Variants in INTU observed in about 807,000 individuals in gnomAD.
INTU encodes protein inturned.
In INTU, 68 loss-of-function variants were observed where a neutral mutation model predicts 100.5. The ratio of observed to expected loss-of-function variants is 0.68; its 90% CI spans 0.56 to 0.83. The LOEUF (loss-of-function observed/expected upper bound fraction) is 0.83, where lower values mean the gene tolerates loss of function less well. INTU is among the 40% of genes least tolerant of loss of function. The pLI, the probability that INTU is intolerant of heterozygous loss-of-function variation, is 0.00. For missense variants in INTU, 1,071 were observed against 1,114.7 expected (o/e 0.96, Z 0.56); for synonymous variants, 357 against 395.7 (o/e 0.90, Z 1.16).
chr4:127,710,926 C>A lies in INTU; in HGVS notation c.2383C>A (p.Pro795Thr). The change falls in exon 14 of 16, where the codon CCT becomes ACT. Residue 795 changes from proline to threonine, a missense_variant. Coordinates refer to ENST00000335251, the MANE Select transcript of INTU (RefSeq NM_015693.4). ...TTTCTTTTTAAGACTGACATCTGGT[C>A]CTGAGAACACACTTTTCCACTACGT... ...IYNTVKLTSG[P>T]ENTLFHYVAL... is the part of the protein sequence containing the mutation. 6.7e-7 allele frequency: 1 copy of A among 1,486,954 alleles called. No individual in the cohort carries two copies. The highest frequency in any genetic ancestry group is 9.1e-7 in the Non-Finnish European group (1 of 1,101,298). 92.1% of individuals were successfully genotyped at this position (1,486,954 alleles called of 1,614,324 possible).
Position 127,718,554 on chromosome 4 carries a change from A to G in INTU, c.*2118A>G, listed in dbSNP as rs1301717179. On this transcript the variant is annotated 3_prime_UTR_variant, in exon 16 of 16. Transcript: ENST00000335251. Reference sequence around the variant, plus strand: ...TGGTAGTTTAATGGGAATAACATTGACTCTATAAATTACTTTGGGCAGTAT... The same window carrying G: ...TGGTAGTTTAATGGGAATAACATTGGCTCTATAAATTACTTTGGGCAGTAT... The G allele has an allele frequency of 6.6e-6, 1 of 151,708 alleles. No individual in the cohort carries two copies. The highest frequency in any genetic ancestry group is 6.6e-5 in the Admixed American group (1 of 15,240). 9.4% of individuals were successfully genotyped at this position (151,708 alleles called of 1,614,324 possible).
chr4:127,712,024 A>C (rs1731114093), intron 14 of INTU, among the ~76,000 whole-genome samples: 1 of 152,216 alleles, frequency 6.6e-6, no homozygotes. Flanking sequence ...TAAAACTTAC[A>C]GAGGTTTACT....
At chr4:127,703,961 A>G (rs940814945) in intron 9 of INTU, among the ~76,000 whole-genome samples, 5 of 152,230 alleles carry the variant, frequency 3.3e-5, no homozygotes, top group Non-Finnish European at 7.3e-5. Context: ...GTGTTGTAAG[A>G]AATCCCTCAT....
rs139986761 is a variant in INTU at position 127,687,781 on chromosome 4, A to C, written c.1363A>C (p.Ser455Arg). 6.2e-6 allele frequency: 10 copies of C among 1,613,512 alleles called. No homozygotes were observed. Among genetic ancestry groups the C allele is most frequent in the Non-Finnish European group, 8.5e-6 (10 of 1,179,718 alleles). ...GAAACTGCATTCCAGCGCCAGTCCC[A>C]GTGCTCAGCAGTACGATGCTTCCAG... ...PAKLHSSASP[S>R]AQQYDASSAV... The change falls in exon 8 of 16, where the codon AGT (serine) becomes CGT (arginine). Residue 455 changes from serine (S) to arginine (R), a missense_variant. Transcript: ENST00000335251.
intron 4 of INTU, among the ~76,000 whole-genome samples, chr4:127,668,598 A>C (rs986253624): frequency 1.3e-4 from 20 of 151,822 alleles, no homozygotes; most frequent in Non-Finnish European, 2.5e-4. Flanking sequence ...AAATAATGTA[A>C]AAGTAATTAA....
rs566043904 is a variant in INTU, at chr4:127,643,671, T to A, written c.297T>A (p.Asp99Glu). The change falls in exon 2 of 16, where the codon GAT (aspartate) becomes GAA (glutamate). Residue 99 changes from aspartate (D) to glutamate (E), a missense_variant. Physicochemically the swap from Asp to Glu is conservative, Grantham distance 45 (BLOSUM62 2). Transcript: ENST00000335251. Reference sequence around the variant, plus strand: ...GTGAAAATGAGATTATCATTGAAGATGACTACAAAGAAAGAAAAAAGTATG... The same window carrying A: ...GTGAAAATGAGATTATCATTGAAGAAGACTACAAAGAAAGAAAAAAGTATG... ...RFSENEIIIE[D>E]DYKERKKYEP... 1 of 1,613,500 alleles carries A rather than the reference T, an allele frequency of 6.2e-7. No homozygotes were observed. Among genetic ancestry groups the A allele is most frequent in the South Asian group, 1.1e-5 (1 of 90,976 alleles).
chr4:127,668,643 G>C (rs1046479251), intron 4 of INTU, among the ~76,000 whole-genome samples: 1 of 151,706 alleles, frequency 6.6e-6, no homozygotes, highest in Non-Finnish European at 1.5e-5. Context: ...TGTGGTACCT[G>C]TGTAGCTATG....
rs1560616252 is a variant in INTU, at chr4:127,704,310, C to G, written c.1566+20C>G. On this transcript the variant is annotated intron_variant, in intron 10 of 15. Transcript: ENST00000335251. ...TACAAGGTAAGTTGAAGCTTGAAGT[C>G]TAAATGTCCAGCTGCTGTATAAAGA... is the stretch of plus-strand genomic sequence containing the variant. 1 of 1,568,814 alleles carries G rather than the reference C, an allele frequency of 6.4e-7. No individual in the cohort carries two copies.
chr4:127,688,716 C>G lies in INTU; in HGVS notation c.1449+849C>G, dbSNP rs185039500. Among the ~76,000 whole-genome samples the G allele has an allele frequency of 3.4e-3, 517 of 152,138 alleles. 4 individuals are homozygous for G. The highest frequency in any genetic ancestry group is 0.012 in the African/African-American group (486 of 41,492). On this transcript the variant is annotated intron_variant, in intron 8 of 15. Transcript: ENST00000335251. ...CTGTAAAATGGAGGAAATAATAGTC[C>G]CTACTTCATGGAAGATTTATGAGTT...
chr4:127,646,699 T>G (rs1202910450), intron 2 of INTU, among the ~76,000 whole-genome samples: 2 of 152,144 alleles, frequency 1.3e-5, no homozygotes, highest in Admixed American at 6.5e-5. Context: ...TTTCTTCATT[T>G]AACAGTTTTC....
intron 8 of INTU, among the ~76,000 whole-genome samples, chr4:127,692,717 C>T (rs1730206690): frequency 6.6e-6 from 1 of 152,060 alleles, no homozygotes; most frequent in African/African-American, 2.4e-5. Flanking sequence ...TTTGGTTTCA[C>T]ATCTTAGATT....
intron 2 of INTU, among the ~76,000 whole-genome samples, chr4:127,654,953 C>T (rs1342511621): frequency 6.7e-6 from 1 of 149,236 alleles, no homozygotes; most frequent in African/African-American, 2.5e-5. Context: ...AACTTCCCTT[C>T]TCGCTTCATT....
intron 1 of INTU, among the ~76,000 whole-genome samples, chr4:127,640,212 T>C (rs1446899154): frequency 6.6e-6 from 1 of 152,058 alleles, no homozygotes; most frequent in Non-Finnish European, 1.5e-5. Flanking sequence ...TCCTGTGAGG[T>C]AGCTATAATC....
intron 11 of INTU, 36 bp from the exon 12 acceptor site, chr4:127,706,451 T>C: frequency 6.5e-7 from 1 of 1,528,198 alleles, no homozygotes; most frequent in Non-Finnish European, 8.9e-7. Context: ...ATTTTCATGG[T>C]AGCTAAACCT....
At chr4:127,651,357 A>G (rs1393778502) in intron 2 of INTU, among the ~76,000 whole-genome samples, 1 of 152,228 alleles carries the variant, frequency 6.6e-6, no homozygotes, top group Non-Finnish European at 1.5e-5. Flanking sequence ...TTTAGGTCTA[A>G]GGTTTAAGGC....
intron 8 of INTU, among the ~76,000 whole-genome samples, chr4:127,690,620 T>C (rs1342169979): frequency 6.6e-6 from 1 of 152,232 alleles, no homozygotes; most frequent in Non-Finnish European, 1.5e-5. Flanking sequence ...GCTAAAGTAG[T>C]CTAAAGCTCT....
At chr4:127,684,236 A>G (rs1179682990) in intron 6 of INTU, among the ~76,000 whole-genome samples, 173 bp from the exon 7 acceptor site, 1 of 152,182 alleles carries the variant, frequency 6.6e-6, no homozygotes, top group East Asian at 1.9e-4. Flanking sequence ...AACTAAATCT[A>G]GAATAAAGTG....
At chr4:127,690,254 T>C (rs1162465497) in intron 8 of INTU, among the ~76,000 whole-genome samples, 10 of 152,262 alleles carry the variant, frequency 6.6e-5, no homozygotes, top group Admixed American at 1.3e-4. Flanking sequence ...TATGCTTTTC[T>C]TTATTTCACC....
intron 4 of INTU, among the ~76,000 whole-genome samples, chr4:127,667,409 G>A (rs1490048861): frequency 6.6e-6 from 1 of 152,096 alleles, no homozygotes; most frequent in African/African-American, 2.4e-5. Flanking sequence ...AGGCTTTTAT[G>A]ACTGGAATAG....
Sources: gnomAD v4.1 joint callset for allele counts (sites outside exome capture counted in the v4.1 genomes callset) on GRCh38, gnomAD v4.1.1 for gene constraint, MANE v1.5 for transcripts, NCBI Gene and HGNC (gene_info 2026-07-23, HGNC 2026-07-21) for gene names.